Variants in HSPB8 observed in about 807,000 individuals in gnomAD.
The protein encoded by HSPB8 is heat shock protein family B (small) member 8.
A neutral mutation model predicts 16.5 loss-of-function variants in HSPB8; 9 were observed. The ratio of observed to expected loss-of-function variants is 0.55; its 90% CI spans 0.33 to 0.95. The LOEUF (loss-of-function observed/expected upper bound fraction) is 0.95. Ranked by LOEUF, HSPB8 falls within the 40% of genes least tolerant of loss-of-function variation. HSPB8 has a pLI of 0.03. For synonymous variants in HSPB8, 99 were observed against 94.8 expected, an observed-to-expected ratio of 1.04 and a Z score of -0.26; for missense variants, 238 against 251.2, an observed-to-expected ratio of 0.95 and a Z score of 0.35.
chr12:119,183,115 T>G (rs374002979), intron 1 of HSPB8: 84 of 152,382 alleles, frequency 5.5e-4, no homozygotes, highest in African/African-American at 1.9e-3. Flanking sequence ...CAAGGTCTTG[T>G]ATGGTGCCAG....
Position 119,179,427 on chromosome 12 carries a change from C to A in HSPB8, c.115C>A (p.Pro39Thr). The A allele has an allele frequency of 6.2e-7, 1 of 1,614,132 alleles. No individual in the cohort carries two copies. The highest frequency in any genetic ancestry group is 1.1e-5 in the South Asian group (1 of 91,076). ...RLLDDGFGMD[P>T]FPDDLTASWP... ...GCTGGATGATGGCTTTGGCATGGAC[C>A]CCTTCCCAGACGACTTGACAGCCTC... is the stretch of plus-strand genomic sequence containing the variant. The change falls in exon 1 of 3, where the codon CCC becomes ACC. Residue 39 changes from proline to threonine, a missense_variant. By Grantham distance (38) the Pro-to-Thr change is conservative. Coordinates refer to ENST00000281938, the MANE Select transcript of HSPB8 (RefSeq NM_014365.3).
At chr12:119,187,699 G>A (rs913094373) in intron 2 of HSPB8, among the ~76,000 whole-genome samples, 1 of 152,272 alleles carries the variant, frequency 6.6e-6, no homozygotes, top group Admixed American at 6.5e-5. Flanking sequence ...GGGTAAGCAA[G>A]ACAATGACTT....
At chr12:119,193,582 A>G (rs1651514341) in intron 2 of HSPB8, 117 bp from the exon 3 acceptor site, 1 of 1,116,778 alleles carries the variant, frequency 9.0e-7, no homozygotes, top group Middle Eastern at 2.3e-4. Flanking sequence ...TTCAAACCCA[A>G]CATTGTATGT....
At chr12:119,184,100 A>T (rs1216773693) in intron 1 of HSPB8, among the ~76,000 whole-genome samples, 3 of 152,222 alleles carry the variant, frequency 2.0e-5, no homozygotes, top group Non-Finnish European at 2.9e-5. Flanking sequence ...CTTAAGTCCA[A>T]CACCCAATAT....
chr12:119,192,033 G>A (rs2136085617), intron 2 of HSPB8, among the ~76,000 whole-genome samples: 1 of 152,238 alleles, frequency 6.6e-6, no homozygotes, highest in East Asian at 1.9e-4. Context: ...TACTCAGAAG[G>A]TCATGGATTT....
chr12:119,194,216 TC>T lies in HSPB8; in HGVS notation c.*363del, dbSNP rs1954730636. 1 of 321,180 alleles carries T rather than the reference TC, an allele frequency of 3.1e-6. No homozygotes were observed. 19.9% of individuals were successfully genotyped at this position (321,180 alleles called of 1,614,324 possible). On this transcript the variant is annotated 3_prime_UTR_variant, in exon 3 of 3. Transcript: ENST00000281938. ...CAAGGGTTACTTTTCTCTGGGGACCTCCCCCATCACCCAGGTTCCTACTCTG... is the reference window on the plus strand; with the variant it reads ...CAAGGGTTACTTTTCTCTGGGGACCTCCCCATCACCCAGGTTCCTACTCTG...
At chr12:119,187,184 CT>C in intron 2 of HSPB8, 96 bp downstream of exon 2, 1 of 941,466 alleles carries the variant, frequency 1.1e-6, no homozygotes, top group Non-Finnish European at 1.7e-6. Flanking sequence ...GGGCATCTCT[CT>C]TTTAAGACAC....
Position 119,192,443 on chromosome 12 carries a change from T to C in HSPB8, c.432-1256T>C, listed in dbSNP as rs571144182. On this transcript the variant is annotated intron_variant, in intron 2 of 2. Coordinates refer to ENST00000281938, the MANE Select transcript of HSPB8 (RefSeq NM_014365.3). ...AGGCTGAGGTGGGTGGATCACAAGG[T>C]CAGGAGTTCGAGACCAGCCTGGCCA... Among the ~76,000 whole-genome samples the C allele has an allele frequency of 3.5e-4, 53 of 152,182 alleles. 1 individual carries two copies. Among genetic ancestry groups the C allele is most frequent in the Non-Finnish European group, 5.9e-4 (40 of 67,994 alleles).
chr12:119,182,851 G>A (rs771503388), intron 1 of HSPB8: 4 of 151,998 alleles, frequency 2.6e-5, no homozygotes, highest in Non-Finnish European at 4.4e-5. Flanking sequence ...TAAGGAAGCC[G>A]AGGCCCAGAG....
At position 119,179,008 on chromosome 12, in the gene HSPB8, C is replaced by A; in HGVS notation, c.-305C>A. 2.0e-6 allele frequency: 1 copy of A among 491,384 alleles called. No homozygotes were observed. Among genetic ancestry groups the A allele is most frequent in the Non-Finnish European group, 3.7e-6 (1 of 269,030 alleles). The allele number at this position is 491,384 out of a possible 1,614,324, so 30.4% of individuals were successfully genotyped here. ...CTCTAGACCTCAGCGGTTCTGGCTG[C>A]CAGCCTGGGCAGCCTGGGAAGCCTG... On this transcript the variant is annotated 5_prime_UTR_variant, in exon 1 of 3. Transcript: ENST00000281938.
chr12:119,186,894 C>A (rs1954679507), intron 1 of HSPB8, 131 bp from the exon 2 acceptor site: 2 of 827,920 alleles, frequency 2.4e-6, no homozygotes, highest in African/African-American at 1.7e-5. Flanking sequence ...GCTTAGATAA[C>A]TAGAGTCTCT....
At chr12:119,187,937 G>A (rs1450790543) in intron 2 of HSPB8, among the ~76,000 whole-genome samples, 3 of 152,162 alleles carry the variant, frequency 2.0e-5, no homozygotes, top group African/African-American at 7.2e-5. Context: ...GAGGTTTGGA[G>A]GCTGAGACAC....
chr12:119,187,059 T>C lies in HSPB8; in HGVS notation c.402T>C (p.Ile134=), dbSNP rs56323028. Residue 134 remains isoleucine, a synonymous_variant, in exon 2 of 3, where the codon ATT becomes ATC. Coordinates refer to ENST00000281938, the MANE Select transcript of HSPB8 (RefSeq NM_014365.3). ...AAGAGAAACAGCAAGAAGGTGGCAT[T>C]GTTTCTAAGAACTTCACAAAGAAAA... The part of the protein sequence containing the change: ...KHEEKQQEGG[I]VSKNFTKKIQ... 5.2e-3 allele frequency: 8,423 copies of C among 1,614,086 alleles called. 387 individuals carry two copies. In the African/African-American group the frequency reaches 0.1, roughly 19 times the overall value.
intron 2 of HSPB8, among the ~76,000 whole-genome samples, chr12:119,188,116 C>T (rs1954688074): frequency 6.6e-6 from 1 of 152,190 alleles, no homozygotes; most frequent in Non-Finnish European, 1.5e-5. Context: ...AGCAGAGTTG[C>T]ACAGTGTGGT....
At chr12:119,181,499 G>C (rs193283933) in intron 1 of HSPB8, among the ~76,000 whole-genome samples, 1 of 152,176 alleles carries the variant, frequency 6.6e-6, no homozygotes, top group Admixed American at 6.5e-5. Context: ...TGAATAGAAT[G>C]GGGGGTAGGT....
At chr12:119,189,465 TG>T (rs1048653859) in intron 2 of HSPB8, among the ~76,000 whole-genome samples, 1 of 152,066 alleles carries the variant, frequency 6.6e-6, no homozygotes, top group African/African-American at 2.4e-5. Flanking sequence ...AAATATTCAG[TG>T]GTCCCCAACC....
rs1954617656 is a variant in HSPB8 at position 119,179,223 on chromosome 12, C to G, written c.-90C>G. 1.5e-6 allele frequency: 2 copies of G among 1,375,096 alleles called. No individual in the cohort carries two copies. Among genetic ancestry groups the G allele is most frequent in the Middle Eastern group, 2.1e-4 (1 of 4,876 alleles). The allele number at this position is 1,375,096 out of a possible 1,614,324, so 85.2% of individuals were successfully genotyped here. ...GCATTTTCGGAAGCTGAAGAATAAG[C>G]TAGCCCAGCCACACCACCTTGTTGT... On this transcript the variant is annotated 5_prime_UTR_variant, in exon 1 of 3. Coordinates refer to ENST00000281938, the MANE Select transcript of HSPB8 (RefSeq NM_014365.3).
chr12:119,187,807 C>T (rs1013409071), intron 2 of HSPB8, among the ~76,000 whole-genome samples: 1 of 152,218 alleles, frequency 6.6e-6, no homozygotes, highest in Non-Finnish European at 1.5e-5. Flanking sequence ...AATGCCCCAG[C>T]AGAATATCTT....
chr12:119,188,816 G>A (rs1954693315), intron 2 of HSPB8, among the ~76,000 whole-genome samples: 1 of 152,230 alleles, frequency 6.6e-6, no homozygotes, highest in Admixed American at 6.5e-5. Flanking sequence ...CTGGCTGAAA[G>A]TGACATAAGG....
Sources: allele counts gnomAD v4.1 joint callset (sites outside exome capture counted in the v4.1 genomes callset), GRCh38; gene constraint gnomAD v4.1.1; transcripts MANE v1.5; gene names NCBI Gene and HGNC (gene_info 2026-07-23, HGNC 2026-07-21).